The following SLC5A9 variants were observed in gnomAD, a reference collection of about 807,000 sequenced individuals.
The protein encoded by SLC5A9 is solute carrier family 5 member 9.
In SLC5A9, 59 loss-of-function variants were observed where a neutral mutation model predicts 70.9. The observed-to-expected ratio is 0.83, with a 90% CI of 0.68 to 1.03. The LOEUF (loss-of-function observed/expected upper bound fraction) is 1.03. Among genes scored for constraint, SLC5A9 ranks in the 50% least tolerant of loss-of-function variants. SLC5A9 has a pLI of 0.00. For synonymous variants in SLC5A9, 340 were observed against 346.5 expected (o/e 0.98, Z 0.21); for missense variants, 832 against 881.1 (o/e 0.94, Z 0.71).
chr1:48,232,439 C>A lies in SLC5A9; in HGVS notation c.970C>A (p.Leu324Met), dbSNP rs762669255. The A allele has an allele frequency of 1.2e-6, 2 of 1,614,172 alleles. No individual in the cohort carries two copies. The highest frequency in any genetic ancestry group is 2.2e-5 in the South Asian group (2 of 91,086). Residue 324 changes from leucine to methionine, a missense_variant, in exon 8 of 14, where the codon CTG becomes ATG. Coordinates refer to ENST00000438567, the MANE Select transcript of SLC5A9 (RefSeq NM_001011547.3). Reference sequence around the variant, plus strand: ...GGGAGGCTCCGTGCTGGGGGGCTACCTGAAGATCCTCCCCATGTTCTTCAT... The same window carrying A: ...GGGAGGCTCCGTGCTGGGGGGCTACATGAAGATCCTCCCCATGTTCTTCAT... ...AKGGSVLGGYLKILPMFFIVM... is the reference protein window; with the variant it reads ...AKGGSVLGGYMKILPMFFIVM...
chr1:48,240,338 T>C (rs921195374), intron 12 of SLC5A9: 1 of 152,198 alleles, frequency 6.6e-6, no homozygotes, highest in Non-Finnish European at 1.5e-5. Context: ...GGTGACCTCA[T>C]TTAACCTTAA....
intron 2 of SLC5A9, among the ~76,000 whole-genome samples, chr1:48,227,054 C>T (rs186786643): frequency 1.7e-3 from 258 of 150,942 alleles, no homozygotes; most frequent in African/African-American, 5.3e-3. Context: ...GTGTGCTTTG[C>T]GAATGTATGT....
chr1:48,228,030 CCAGT>C (rs1644190356), intron 2 of SLC5A9: 1 of 152,272 alleles, frequency 6.6e-6, no homozygotes, highest in African/African-American at 2.4e-5. Context: ...TTCTCCCCTC[CCAGT>C]CAGAGATCCC....
Position 48,242,360 on chromosome 1 carries a change from G to T in SLC5A9, c.1678-97G>T, listed in dbSNP as rs184768842. On this transcript the variant is annotated intron_variant, in intron 12 of 13. Transcript: ENST00000438567. ...CCTGGCCTTGTTCTTTGTACTCTTT[G>T]CTTTTGCTCAGATGGCCTTCCATAA... is the stretch of plus-strand genomic sequence containing the variant. The T allele has an allele frequency of 1.9e-4, 262 of 1,413,292 alleles. No homozygotes were observed. In the African/African-American group the frequency reaches 3.4e-3, roughly 18 times the overall value. 87.5% of individuals were successfully genotyped at this position (1,413,292 alleles called of 1,614,324 possible).
chr1:48,232,015 TC>T lies in SLC5A9; in HGVS notation c.765del (p.Asn256ThrfsTer19). 6.2e-7 allele frequency: 1 copy of T among 1,614,126 alleles called. No homozygotes were observed. ...RYRQAIPNVTVPNTTCHLPRP... is the reference protein window; with the variant it reads ...RYRQAIPNVTXPNTTCHLPRP... Reference sequence around the variant, plus strand: ...AGGCAGGCCATCCCTAATGTCACAGTCCCCAACACCACCTGTCACCTCCCAC... The same window carrying T: ...AGGCAGGCCATCCCTAATGTCACAGTCCCAACACCACCTGTCACCTCCCAC... On this transcript the variant is annotated frameshift_variant, in exon 7 of 14. Coordinates refer to ENST00000438567, the MANE Select transcript of SLC5A9 (RefSeq NM_001011547.3). LOFTEE classifies it high-confidence loss of function.
rs1404780576 is a variant in SLC5A9 at position 48,247,753 on chromosome 1, C to A, written c.*210C>A. On this transcript the variant is annotated 3_prime_UTR_variant, in exon 14 of 14. Coordinates refer to ENST00000438567, the MANE Select transcript of SLC5A9 (RefSeq NM_001011547.3). Reference sequence around the variant, plus strand: ...AGAGCACTGGGTTTGTTCAGGACCACCCAGAAGGTGTCACACGGGGTTTCC... The same window carrying A: ...AGAGCACTGGGTTTGTTCAGGACCAACCAGAAGGTGTCACACGGGGTTTCC... The A allele has an allele frequency of 1.7e-6, 1 of 596,350 alleles. No homozygotes were observed. The highest frequency in any genetic ancestry group is 1.9e-5 in the African/African-American group (1 of 53,900). 36.9% of individuals were successfully genotyped at this position (596,350 alleles called of 1,614,324 possible).
In SLC5A9 at chr1:48,242,637, G is replaced by C. The variant is rs535373958; in HGVS notation, c.1837+21G>C. The stretch of plus-strand genomic sequence containing the variant: ...TGAAGGTAGGCTGCGGCAGGCCGGG[G>C]GATACTCATCACAGAGGAACAGGGG... On this transcript the variant is annotated intron_variant, in intron 13 of 13. Coordinates refer to ENST00000438567, the MANE Select transcript of SLC5A9 (RefSeq NM_001011547.3). 9 of 1,593,934 alleles carry C rather than the reference G, an allele frequency of 5.6e-6. No homozygotes were observed. The East Asian group carries it at 2.0e-4, about 36-fold the overall frequency.
At chr1:48,231,079 C>G (rs1644241349) in intron 5 of SLC5A9, among the ~76,000 whole-genome samples, 1 of 152,160 alleles carries the variant, frequency 6.6e-6, no homozygotes, top group Non-Finnish European at 1.5e-5. Flanking sequence ...CTGCCCCAGG[C>G]AGAGACCACA....
Position 48,229,402 on chromosome 1 carries a change from G to T in SLC5A9, c.447G>T (p.Arg149Ser). 1.2e-6 allele frequency: 2 copies of T among 1,614,118 alleles called. No individual in the cohort carries two copies. Among genetic ancestry groups the T allele is most frequent in the Non-Finnish European group, 1.7e-6 (2 of 1,180,030 alleles). The change falls in exon 4 of 14, where the codon AGG becomes AGT. Residue 149 changes from arginine to serine, a missense_variant. Arg to Ser is a moderately radical substitution (Grantham distance 110, BLOSUM62 -1). Coordinates refer to ENST00000438567, the MANE Select transcript of SLC5A9 (RefSeq NM_001011547.3). The part of the protein sequence containing the change: ...QYLKKRFGGQ[R>S]IQVYMSVLSL... ...TGAAGAAGCGATTTGGGGGCCAGAGGATCCAGGTGTACATGTCTGTCCTGT... is the reference window on the plus strand; with the variant it reads ...TGAAGAAGCGATTTGGGGGCCAGAGTATCCAGGTGTACATGTCTGTCCTGT...
In SLC5A9 at chr1:48,237,786, T is replaced by G; in HGVS notation, c.1400T>G (p.Leu467Arg). 3 of 1,614,124 alleles carry G rather than the reference T, an allele frequency of 1.9e-6. No individual in the cohort carries two copies. The highest frequency in any genetic ancestry group is 2.5e-6 in the Non-Finnish European group (3 of 1,180,024). ...TACATCCAGGCTGTCACCAGTTACC[T>G]GGCCCCACCCATCACCGCTCTCTTC... ...FDYIQAVTSY[L>R]APPITALFLL... The change falls in exon 11 of 14, where the codon CTG (leucine) becomes CGG (arginine). Residue 467 changes from leucine (L) to arginine (R), a missense_variant. Transcript: ENST00000438567.
chr1:48,239,611 A>ACTT lies in SLC5A9; in HGVS notation c.1677+75_1677+77dup. ...CCCATAGCCTAGAATTCCACTGCTGACTTTTACTCTGTTGGGTTATGGTCT... is the reference window on the plus strand; with the variant it reads ...CCCATAGCCTAGAATTCCACTGCTGACTTCTTTTACTCTGTTGGGTTATGGTCT... On this transcript the variant is annotated intron_variant, in intron 12 of 13. Transcript: ENST00000438567. The surrounding 1 kb of genome is among the most constrained non-coding windows in gnomAD (Gnocchi z 4.2). 7.1e-7 allele frequency: 1 copy of ACTT among 1,411,458 alleles called. No homozygotes were observed. The highest frequency in any genetic ancestry group is 2.3e-5 in the East Asian group (1 of 43,788). 87.4% of individuals were successfully genotyped at this position (1,411,458 alleles called of 1,614,324 possible). A position where few individuals can be genotyped will look rare whatever the true frequency, so the allele number is the denominator to read the frequency against.
chr1:48,230,026 G>A lies in SLC5A9; in HGVS notation c.504+567G>A, dbSNP rs187190869. 2.8e-3 allele frequency among the ~76,000 whole-genome samples: 424 copies of A among 152,356 alleles called. 3 individuals are homozygous for A. The highest frequency in any genetic ancestry group is 9.8e-3 in the African/African-American group (409 of 41,586). ...TCACTCCGTTGCCAGGTCTAGGGCT[G>A]AAAAACACTTTAAGGCCCTTGTTCC... On this transcript the variant is annotated intron_variant, in intron 4 of 13. Transcript: ENST00000438567.
At position 48,235,770 on chromosome 1, in the gene SLC5A9, A is replaced by G. The variant is rs2148579478; in HGVS notation, c.1183A>G (p.Met395Val). 14 of 1,614,194 alleles carry G rather than the reference A, an allele frequency of 8.7e-6. No individual in the cohort carries two copies. Among genetic ancestry groups the G allele is most frequent in the Non-Finnish European group, 1.2e-5 (14 of 1,180,032 alleles). The change falls in exon 10 of 14, where the codon ATG becomes GTG. Residue 395 changes from methionine (M) to valine (V), a missense_variant. Transcript: ENST00000438567. ...GATTGCCGTGATCATGGCCGCTCTC[A>G]TGAGCTCACTCACCTCCATCTTCAA... ...LMIAVIMAAL[M>V]SSLTSIFNSS...
Position 48,247,207 on chromosome 1 carries a change from C to T in SLC5A9, c.1838-128C>T, listed in dbSNP as rs552068578. ...TTCACCCCTCCCCAGTTTCTGTGCACCCCCCATACTTTCCATCAGTATCTC... is the reference window on the plus strand; with the variant it reads ...TTCACCCCTCCCCAGTTTCTGTGCATCCCCCATACTTTCCATCAGTATCTC... On this transcript the variant is annotated intron_variant, in intron 13 of 13. Transcript: ENST00000438567. 3.0e-5 allele frequency: 25 copies of T among 834,246 alleles called. No individual in the cohort carries two copies. The South Asian group carries it at 4.0e-4, about 13-fold the overall frequency. 51.7% of individuals were successfully genotyped at this position (834,246 alleles called of 1,614,324 possible).
chr1:48,232,201 T>C, intron 7 of SLC5A9, 50 bp downstream of exon 7: 1 of 1,577,740 alleles, frequency 6.3e-7, no homozygotes, highest in Non-Finnish European at 8.6e-7. Flanking sequence ...TGGGGTGGCT[T>C]CCTGCAGAAA....
chr1:48,230,534 A>G, intron 4 of SLC5A9, 66 bp from the exon 5 acceptor site: 1 of 1,041,152 alleles, frequency 9.6e-7, no homozygotes, highest in Non-Finnish European at 1.5e-6. Context: ...CAGGCAGGTG[A>G]TGTGTCCATA....
Position 48,229,317 on chromosome 1 carries a change from T to C in SLC5A9, c.362T>C (p.Leu121Pro), listed in dbSNP as rs1457991651. The change falls in exon 4 of 14, where the codon CTT becomes CCT. Residue 121 changes from leucine to proline, a missense_variant. By Grantham distance (98) the Leu-to-Pro change is moderately conservative. Coordinates refer to ENST00000438567, the MANE Select transcript of SLC5A9 (RefSeq NM_001011547.3). Reference protein sequence around the residue: ...EWNATWLLLALGWVFVPVYIA... With the variant: ...EWNATWLLLAPGWVFVPVYIA... ...CAGGCAACCTGGCTGCTCCTGGCCC[T>C]TGGCTGGGTCTTCGTCCCTGTGTAC... 3.1e-6 allele frequency: 5 copies of C among 1,614,038 alleles called. No individual in the cohort carries two copies. The highest frequency in any genetic ancestry group is 1.3e-5 in the African/African-American group (1 of 74,908).
chr1:48,232,286 A>G, intron 7 of SLC5A9, 81 bp from the exon 8 acceptor site: 1 of 1,573,940 alleles, frequency 6.4e-7, no homozygotes, highest in Non-Finnish European at 8.6e-7. Context: ...GGACACAGTC[A>G]TGCCCAGTGT....
intron 13 of SLC5A9, among the ~76,000 whole-genome samples, chr1:48,244,622 T>A (rs191793991): frequency 7.5e-4 from 111 of 148,992 alleles, no homozygotes; most frequent in African/African-American, 2.7e-3. Flanking sequence ...CCACATAGGC[T>A]CACTTCAGAA....
Sources: gnomAD v4.1 joint callset for allele counts (sites outside exome capture counted in the v4.1 genomes callset) on GRCh38, gnomAD v4.1.1 for gene constraint, Gnocchi (gnomAD v3.1) non-coding constraint, MANE v1.5 for transcripts, NCBI Gene and HGNC (gene_info 2026-07-23, HGNC 2026-07-21) for gene names.